The following DYRK1A variants were observed in gnomAD, a reference collection of about 807,000 sequenced individuals.
DYRK1A encodes the protein dual specificity tyrosine-phosphorylation-regulated kinase 1A.
A neutral mutation model predicts 79.7 loss-of-function variants in DYRK1A; 9 were observed. The ratio of observed to expected loss-of-function variants is 0.11; its 90% CI spans 0.07 to 0.20. The LOEUF is 0.20. Ranked by LOEUF, DYRK1A falls within the 10% of genes least tolerant of loss-of-function variation. The pLI, the probability that DYRK1A is intolerant of heterozygous loss-of-function variation, is 1.00. For synonymous variants in DYRK1A, 349 were observed against 329.7 expected (o/e 1.06, Z -0.63); for missense variants, 622 against 956.0 (o/e 0.65, Z 4.61).
At chr21:37,509,089 G>A (rs2053679841) in intron 11 of DYRK1A, among the ~76,000 whole-genome samples, 1 of 152,178 alleles carries the variant, frequency 6.6e-6, no homozygotes, top group South Asian at 2.1e-4. Context: ...TTAAAAATAA[G>A]TAAATATAAA....
At chr21:37,477,313 C>T (rs984646899) in intron 3 of DYRK1A, among the ~76,000 whole-genome samples, 2 of 152,138 alleles carry the variant, frequency 1.3e-5, no homozygotes, top group Admixed American at 6.5e-5. Context: ...TGGCTGTGAC[C>T]ACCTTGATGG....
At chr21:37,377,221 G>A (rs1460567609) in intron 1 of DYRK1A, among the ~76,000 whole-genome samples, 1 of 152,098 alleles carries the variant, frequency 6.6e-6, no homozygotes, top group South Asian at 2.1e-4. Context: ...CTGGGTTTAC[G>A]CCATTCTCCT....
chr21:37,462,710 GTC>G (rs1345337081), intron 2 of DYRK1A, among the ~76,000 whole-genome samples: 1 of 152,052 alleles, frequency 6.6e-6, no homozygotes, highest in African/African-American at 2.4e-5. Flanking sequence ...TCTTCCTTCT[GTC>G]TCTGCAGCAC....
rs1471802278 is a variant in DYRK1A at position 37,472,777 on chromosome 21, C to T, written c.104C>T (p.Pro35Leu). The change falls in exon 3 of 12, where the codon CCC becomes CTC. Residue 35 changes from proline (P) to leucine (L), a missense_variant. Pro to Leu is a moderately conservative substitution (Grantham distance 98). Coordinates refer to ENST00000647188, the MANE Select transcript of DYRK1A (RefSeq NM_001347721.2). The part of the protein sequence containing the change: ...AAGLQMAGQM[P>L]HSHQYSDRRQ... ...GGCCTTCAGATGGCTGGACAGATGC[C>T]CCATTCACATCAGTACAGTGACCGT... 1 of 1,613,088 alleles carries T rather than the reference C, an allele frequency of 6.2e-7. No individual in the cohort carries two copies. The highest frequency in any genetic ancestry group is 8.5e-7 in the Non-Finnish European group (1 of 1,179,238).
chr21:37,382,115 G>GTC (rs1245954925), intron 1 of DYRK1A, among the ~76,000 whole-genome samples: 6 of 151,726 alleles, frequency 4.0e-5, no homozygotes, highest in Non-Finnish European at 7.4e-5. Flanking sequence ...ATTCCTGCAG[G>GTC]TCTCTTTGTG....
intron 2 of DYRK1A, among the ~76,000 whole-genome samples, chr21:37,463,106 AT>A (rs1490956047): frequency 1.3e-5 from 2 of 151,780 alleles, no homozygotes; most frequent in Non-Finnish European, 2.9e-5. Context: ...TATATGAGCA[AT>A]TTCATTGTGT....
At chr21:37,473,036 AT>A (rs879801718) in intron 3 of DYRK1A, among the ~76,000 whole-genome samples, 156 bp downstream of exon 3, 53 of 149,060 alleles carry the variant, frequency 3.6e-4, no homozygotes, top group East Asian at 1.2e-3. Context: ...TTTGCATTAA[AT>A]TTTTTTTTTT....
At chr21:37,436,031 A>G (rs2050915890) in intron 2 of DYRK1A, among the ~76,000 whole-genome samples, 1 of 152,194 alleles carries the variant, frequency 6.6e-6, no homozygotes, top group Non-Finnish European at 1.5e-5. Context: ...CATGAGGTGA[A>G]GAATAAATAC....
chr21:37,388,387 C>T (rs1029925613), intron 1 of DYRK1A, among the ~76,000 whole-genome samples: 1 of 151,960 alleles, frequency 6.6e-6, no homozygotes, highest in African/African-American at 2.4e-5. Context: ...CTGACCCTGC[C>T]TCTTTTGCAT....
intron 1 of DYRK1A, among the ~76,000 whole-genome samples, chr21:37,414,541 G>A (rs1293556650): frequency 6.6e-6 from 1 of 152,142 alleles, no homozygotes; most frequent in African/African-American, 2.4e-5. Context: ...GGACTTTCGA[G>A]CTCAGTTCAC....
At position 37,518,959 on chromosome 21, in the gene DYRK1A, GT is replaced by G. The variant is rs1221567785; in HGVS notation, c.*6429del. On this transcript the variant is annotated 3_prime_UTR_variant, in exon 12 of 12. Coordinates refer to ENST00000647188, the MANE Select transcript of DYRK1A (RefSeq NM_001347721.2). ...GTTTGATTACCAAAGTTTACATAGA[GT>G]AATGGATAATTAAAATTTTCAATTT... 2 of 152,152 alleles carry G rather than the reference GT, an allele frequency of 1.3e-5. No homozygotes were observed. Among genetic ancestry groups the G allele is most frequent in the East Asian group, 1.9e-4 (1 of 5,204 alleles). 9.4% of individuals were successfully genotyped at this position (152,152 alleles called of 1,614,324 possible). A position where few individuals can be genotyped will look rare whatever the true frequency, so the allele number is the denominator to read the frequency against.
At chr21:37,388,275 G>A (rs1315154653) in intron 1 of DYRK1A, among the ~76,000 whole-genome samples, 2 of 151,644 alleles carry the variant, frequency 1.3e-5, no homozygotes, top group Non-Finnish European at 2.9e-5. Flanking sequence ...TAGAGACGGG[G>A]GTCTTGCCAT....
At chr21:37,418,673 A>T (rs921127403) in intron 1 of DYRK1A, among the ~76,000 whole-genome samples, 4 of 152,206 alleles carry the variant, frequency 2.6e-5, no homozygotes, top group African/African-American at 9.6e-5. Context: ...TTAGAAAATG[A>T]TGTCCTTTGA....
intron 7 of DYRK1A, 97 bp from the exon 8 acceptor site, chr21:37,492,920 C>A: frequency 3.0e-6 from 3 of 1,008,046 alleles, no homozygotes; most frequent in Non-Finnish European, 4.3e-6. Context: ...CAGGAATTAG[C>A]CAATTCTTTT....
chr21:37,386,832 G>T (rs965686635), intron 1 of DYRK1A, among the ~76,000 whole-genome samples: 1 of 152,190 alleles, frequency 6.6e-6, no homozygotes, highest in African/African-American at 2.4e-5. Flanking sequence ...AGTGTCAGGA[G>T]TTGGATTCAG....
chr21:37,368,818 A>T (rs906303253), intron 1 of DYRK1A, among the ~76,000 whole-genome samples: 1 of 152,086 alleles, frequency 6.6e-6, no homozygotes, highest in Non-Finnish European at 1.5e-5. Context: ...ATACTGGCAA[A>T]TTTTGGAGTG....
upstream of DYRK1A, chr21:37,365,927 C>G (rs1004258765): frequency 2.0e-5 from 3 of 152,176 alleles, no homozygotes; most frequent in Admixed American, 6.5e-5. Context: ...TTTCCCAACG[C>G]TGGTCTCGGG....
Position 37,478,222 on chromosome 21 carries a change from A to T in DYRK1A, c.222A>T (p.Gln74His). 6.2e-7 allele frequency: 1 copy of T among 1,614,188 alleles called. No homozygotes were observed. The highest frequency in any genetic ancestry group is 1.1e-5 in the South Asian group (1 of 91,086). Residue 74 changes from glutamine to histidine, a missense_variant, in exon 4 of 12, where the codon CAA (glutamine) becomes CAT (histidine). Gln to His is a conservative substitution (Grantham distance 24). Transcript: ENST00000647188. Reference protein sequence around the residue: ...QPLTNQRRMPQTFRDPATAPL... With the variant: ...QPLTNQRRMPHTFRDPATAPL... ...TCATGTTACAGAGGCGGATGCCCCA[A>T]ACCTTCCGTGACCCAGCAACTGCTC...
intron 1 of DYRK1A, among the ~76,000 whole-genome samples, chr21:37,418,490 A>T (rs537979982): frequency 7.0e-4 from 106 of 152,316 alleles, no homozygotes; most frequent in African/African-American, 2.3e-3. Context: ...ATCTACTTCT[A>T]TCGAAACTGG....
Sources: gnomAD v4.1 joint callset for allele counts (sites outside exome capture counted in the v4.1 genomes callset) on GRCh38, gnomAD v4.1.1 for gene constraint, MANE v1.5 for transcripts, NCBI Gene and HGNC (gene_info 2026-07-23, HGNC 2026-07-21) for gene names.